Variants in CSGALNACT1 observed in about 807,000 individuals in gnomAD.
CSGALNACT1 encodes beta4GalNAcT-1.
In CSGALNACT1, 52 loss-of-function variants were observed where a neutral mutation model predicts 51.0. The observed-to-expected ratio is 1.02, with a 90% CI of 0.82 to 1.29. The LOEUF is 1.29. Ranked by LOEUF, CSGALNACT1 falls within the 50% of genes most tolerant of loss-of-function variation. The pLI is 0.00. For missense variants in CSGALNACT1, 935 were observed against 679.2 expected, an observed-to-expected ratio of 1.38 and a Z score of -4.19; for synonymous variants, 341 against 254.4, an observed-to-expected ratio of 1.34 and a Z score of -3.24.
chr8:19,718,219 A>C (rs575153306), intron 1 of CSGALNACT1, among the ~76,000 whole-genome samples: 10 of 152,222 alleles, frequency 6.6e-5, no homozygotes, highest in African/African-American at 2.4e-4. Context: ...TCAGCCTCCC[A>C]AGTAGCTGGG....
intron 3 of CSGALNACT1, among the ~76,000 whole-genome samples, chr8:19,576,753 C>G (rs1245505137): frequency 1.3e-5 from 2 of 152,050 alleles, no homozygotes; most frequent in Admixed American, 6.6e-5. Context: ...TCAGTCTTAC[C>G]TCTGCAGGCC....
At chr8:19,619,252 G>C (rs13250084) in intron 1 of CSGALNACT1, among the ~76,000 whole-genome samples, 5 of 148,312 alleles carry the variant, frequency 3.4e-5, no homozygotes, top group Admixed American at 1.3e-4. Flanking sequence ...CAGGGTCGGG[G>C]GGGGGTGGGC....
chr8:19,526,321 A>C (rs1207121981), intron 3 of CSGALNACT1, among the ~76,000 whole-genome samples: 1 of 152,228 alleles, frequency 6.6e-6, no homozygotes, highest in Non-Finnish European at 1.5e-5. Context: ...ACAGTGGCTT[A>C]CGCCTATAAT....
At chr8:19,411,694 A>G (rs2055775172) in intron 8 of CSGALNACT1, among the ~76,000 whole-genome samples, 1 of 152,228 alleles carries the variant, frequency 6.6e-6, no homozygotes, top group African/African-American at 2.4e-5. Context: ...ATTCTGTTCA[A>G]GCACTGACAA....
At chr8:19,438,066 G>A (rs1051730038) in intron 6 of CSGALNACT1, among the ~76,000 whole-genome samples, 13 of 152,152 alleles carry the variant, frequency 8.5e-5, no homozygotes, top group African/African-American at 1.4e-4. Flanking sequence ...ACGTGTAACC[G>A]TCAGCAAATG....
chr8:19,430,375 A>G (rs572635705), intron 6 of CSGALNACT1, among the ~76,000 whole-genome samples: 1 of 152,290 alleles, frequency 6.6e-6, no homozygotes, highest in Middle Eastern at 3.4e-3. Flanking sequence ...AGTTTTGTAT[A>G]TATAGTGGAT....
intron 3 of CSGALNACT1, among the ~76,000 whole-genome samples, chr8:19,571,264 A>C (rs943900075): frequency 6.6e-6 from 1 of 151,602 alleles, no homozygotes; most frequent in Admixed American, 6.6e-5. Context: ...GATTTTTGAA[A>C]CTCCGTATCC....
intron 1 of CSGALNACT1, among the ~76,000 whole-genome samples, chr8:19,680,652 G>T (rs1405896705): frequency 7.0e-6 from 1 of 142,868 alleles, no homozygotes; most frequent in Non-Finnish European, 1.5e-5. Flanking sequence ...ACTGTGTTAG[G>T]TATTACAAGT....
chr8:19,648,172 A>G (rs1275628008), intron 1 of CSGALNACT1, among the ~76,000 whole-genome samples: 1 of 152,220 alleles, frequency 6.6e-6, no homozygotes, highest in African/African-American at 2.4e-5. Context: ...TGCTCCTTCC[A>G]ACACTTAAGA....
At chr8:19,430,366 G>T (rs960952566) in intron 6 of CSGALNACT1, among the ~76,000 whole-genome samples, 3 of 152,076 alleles carry the variant, frequency 2.0e-5, no homozygotes, top group Admixed American at 2.0e-4. Context: ...TTGACTTCAA[G>T]TTTTGTATAT....
intron 1 of CSGALNACT1, among the ~76,000 whole-genome samples, chr8:19,719,955 T>G (rs1182672119): frequency 6.6e-6 from 1 of 152,254 alleles, no homozygotes; most frequent in African/African-American, 2.4e-5. Flanking sequence ...AAAGCTATCA[T>G]TTTTCTAATA....
At chr8:19,456,367 C>T (rs1466000706) in intron 5 of CSGALNACT1, among the ~76,000 whole-genome samples, 4 of 152,146 alleles carry the variant, frequency 2.6e-5, no homozygotes, top group Non-Finnish European at 4.4e-5. Context: ...AGCTCAGGAC[C>T]CTGAACCCAG....
At chr8:19,718,988 C>A (rs1252724152) in intron 1 of CSGALNACT1, among the ~76,000 whole-genome samples, 1 of 152,114 alleles carries the variant, frequency 6.6e-6, no homozygotes, top group East Asian at 1.9e-4. Context: ...CCTTAAGTAA[C>A]CATCTATCTC....
upstream of CSGALNACT1, among the ~76,000 whole-genome samples, chr8:19,606,354 T>TATAC (rs1398902572): frequency 6.6e-6 from 1 of 152,204 alleles, no homozygotes; most frequent in Non-Finnish European, 1.5e-5. Flanking sequence ...AGAGCAGGGA[T>TATAC]AGGGTCAGGA....
At chr8:19,542,524 T>C (rs2085452777) in intron 3 of CSGALNACT1, among the ~76,000 whole-genome samples, 1 of 152,098 alleles carries the variant, frequency 6.6e-6, no homozygotes, top group South Asian at 2.1e-4. Flanking sequence ...CCCGACTCTT[T>C]TCAACCTCCC....
intron 3 of CSGALNACT1, among the ~76,000 whole-genome samples, chr8:19,566,073 A>C (rs1453606963): frequency 6.6e-6 from 1 of 152,204 alleles, no homozygotes; most frequent in Non-Finnish European, 1.5e-5. Flanking sequence ...CTAATCCATA[A>C]AACCTTTTGT....
At chr8:19,724,441 C>G (rs373587907) in intron 1 of CSGALNACT1, among the ~76,000 whole-genome samples, 2 of 152,216 alleles carry the variant, frequency 1.3e-5, no homozygotes, top group Admixed American at 6.5e-5. Flanking sequence ...TTTTCTCACA[C>G]GGCATCACTT....
chr8:19,551,279 C>T (rs960713371), intron 3 of CSGALNACT1, among the ~76,000 whole-genome samples: 63 of 152,182 alleles, frequency 4.1e-4, no homozygotes, highest in African/African-American at 1.4e-3. Context: ...GACCTTTGAC[C>T]TCAGAGAGCC....
intron 2 of CSGALNACT1, 111 bp downstream of exon 2, chr8:19,601,659 AT>A: frequency 6.2e-6 from 2 of 324,108 alleles, no homozygotes; most frequent in South Asian, 5.2e-5. Flanking sequence ...CTTGTTACTA[AT>A]CAAGCTATTG....
Sources: allele counts gnomAD v4.1 joint callset (sites outside exome capture counted in the v4.1 genomes callset), GRCh38; gene constraint gnomAD v4.1.1; transcripts MANE v1.5; gene names NCBI Gene and HGNC (gene_info 2026-07-23, HGNC 2026-07-21).